The following CHRM5 variants were observed in gnomAD, a reference collection of about 807,000 sequenced individuals.
The protein encoded by CHRM5 is cholinergic receptor muscarinic 5.
In CHRM5, 18 loss-of-function variants were observed where a neutral mutation model predicts 39.0. That is an observed-to-expected ratio of 0.46 (90% confidence interval 0.32 to 0.68). The LOEUF is 0.68. Among genes scored for constraint, CHRM5 ranks in the 30% least tolerant of loss-of-function variants. The pLI, the probability that CHRM5 is intolerant of heterozygous loss-of-function variation, is 0.04. For synonymous variants in CHRM5, 241 were observed against 246.3 expected (o/e 0.98, Z 0.20); for missense variants, 515 against 651.1 (o/e 0.79, Z 2.28).
Position 34,055,845 on chromosome 15 carries a change from A to T in CHRM5, c.-75-6798A>T, listed in dbSNP as rs549406324. Among the ~76,000 whole-genome samples the T allele has an allele frequency of 3.5e-3, 540 of 152,262 alleles. 1 individual carries two copies. Among genetic ancestry groups the T allele is most frequent in the Non-Finnish European group, 6.7e-3 (454 of 68,014 alleles). Reference sequence around the variant, plus strand: ...AAATAAAAATAAACAAATAAATAAAATGTGGAAATGCAAGTCCCACCCTTC... The same window carrying T: ...AAATAAAAATAAACAAATAAATAAATTGTGGAAATGCAAGTCCCACCCTTC... On this transcript the variant is annotated intron_variant, in intron 2 of 2. Coordinates refer to ENST00000383263, the MANE Select transcript of CHRM5 (RefSeq NM_012125.4).
At chr15:34,048,463 T>A (rs1459756617) in intron 2 of CHRM5, among the ~76,000 whole-genome samples, 1 of 149,042 alleles carries the variant, frequency 6.7e-6, no homozygotes, top group East Asian at 2.0e-4. Context: ...AAGTGGGACC[T>A]GGATCCATTC....
At chr15:34,033,811 T>C (rs2140772828) in intron 1 of CHRM5, among the ~76,000 whole-genome samples, 1 of 152,282 alleles carries the variant, frequency 6.6e-6, no homozygotes, top group Admixed American at 6.5e-5. Flanking sequence ...TGTTTTGAGA[T>C]GGAGTCTCAT....
intron 1 of CHRM5, among the ~76,000 whole-genome samples, chr15:34,044,473 T>C (rs537349873): frequency 2.0e-5 from 3 of 152,340 alleles, no homozygotes; most frequent in Admixed American, 6.5e-5. Flanking sequence ...GCCCTAGGTT[T>C]GTGGGGAAGA....
In CHRM5 at chr15:33,973,430, C is replaced by A. The variant is rs75449822; in HGVS notation, c.-408+4280C>A. Among the ~76,000 whole-genome samples, 131 of 152,336 alleles carry A rather than the reference C, an allele frequency of 8.6e-4. 3 individuals are homozygous for A. The East Asian group carries it at 0.024, about 28-fold the overall frequency. On this transcript the variant is annotated intron_variant, in intron 1 of 2. Transcript: ENST00000383263. ...CTTCCCTTCATTTGTGTTGCAAAGA[C>A]AGTCCTCTACATGCAGTAACTTCTG...
At chr15:33,979,022 CT>C (rs1225802829) in intron 1 of CHRM5, among the ~76,000 whole-genome samples, 1 of 152,122 alleles carries the variant, frequency 6.6e-6, no homozygotes, top group Non-Finnish European at 1.5e-5. Flanking sequence ...CTCCAGGTTT[CT>C]TTTTCATCCT....
chr15:34,062,574 A>AC (rs1900375509), intron 2 of CHRM5, 69 bp from the exon 3 acceptor site: 13 of 715,780 alleles, frequency 1.8e-5, no homozygotes, highest in African/African-American at 1.8e-4. Context: ...AAAAAAAAAA[A>AC]CTATAAACAA....
chr15:33,978,095 C>A (rs888306757), intron 1 of CHRM5, among the ~76,000 whole-genome samples: 9 of 151,908 alleles, frequency 5.9e-5, no homozygotes, highest in Non-Finnish European at 1.2e-4. Flanking sequence ...GTCACTATGT[C>A]TATATAAAAC....
chr15:34,032,904 A>C (rs968869068), intron 1 of CHRM5, among the ~76,000 whole-genome samples: 1 of 152,188 alleles, frequency 6.6e-6, no homozygotes, highest in Non-Finnish European at 1.5e-5. Context: ...CTTTCAATCA[A>C]AGTGATGGAG....
In CHRM5 at chr15:34,062,787, C is replaced by T. The variant is rs571543498; in HGVS notation, c.70C>T (p.Arg24Cys). The T allele has an allele frequency of 1.7e-5, 28 of 1,614,162 alleles. No individual in the cohort carries two copies. Among genetic ancestry groups the T allele is most frequent in the Middle Eastern group, 3.3e-4 (2 of 6,062 alleles). The change falls in exon 3 of 3, where the codon CGC becomes TGC. Residue 24 changes from arginine to cysteine, a missense_variant. Physicochemically the swap from Arg to Cys is radical, Grantham distance 180. Coordinates refer to ENST00000383263, the MANE Select transcript of CHRM5 (RefSeq NM_012125.4). Reference protein sequence around the residue: ...GTPVNHQPLERHRLWEVITIA... With the variant: ...GTPVNHQPLECHRLWEVITIA... ...CCCAGTAAATCACCAGCCTTTGGAA[C>T]GCCACAGGTTGTGGGAAGTCATCAC... is the stretch of plus-strand genomic sequence containing the variant.
rs142740919 is a variant in CHRM5 at position 34,020,765 on chromosome 15, G to A, written c.-407-25775G>A. 3.5e-4 allele frequency among the ~76,000 whole-genome samples: 54 copies of A among 152,194 alleles called. 1 individual carries two copies. The East Asian group carries it at 9.9e-3, about 28-fold the overall frequency. ...TGTAAATGAAATTAGGCCAAATTTC[G>A]TAAGACACAAGATATAATCTCCACA... On this transcript the variant is annotated intron_variant, in intron 1 of 2. Transcript: ENST00000383263.
intron 1 of CHRM5, among the ~76,000 whole-genome samples, chr15:33,980,724 A>AACC (rs1214798838): frequency 1.3e-5 from 2 of 152,192 alleles, no homozygotes; most frequent in African/African-American, 4.8e-5. Context: ...GTACACGGAG[A>AACC]ACCCCAAATT....
At position 34,004,950 on chromosome 15, in the gene CHRM5, T is replaced by C. The variant is rs116921733; in HGVS notation, c.-408+35800T>C. Among the ~76,000 whole-genome samples, 1,502 of 151,328 alleles carry C rather than the reference T, an allele frequency of 9.9e-3. 24 individuals are homozygous for C. The highest frequency in any genetic ancestry group is 0.045 in the Admixed American group (675 of 15,154). ...AAATTATTAAAACAACTCATCTGTA[T>C]AGGATGGGTTAGTGTGGACTTAAAA... On this transcript the variant is annotated intron_variant, in intron 1 of 2. Coordinates refer to ENST00000383263, the MANE Select transcript of CHRM5 (RefSeq NM_012125.4).
rs577827796 is a variant in CHRM5, at chr15:33,997,020, G to A, written c.-408+27870G>A. 7.2e-5 allele frequency among the ~76,000 whole-genome samples: 11 copies of A among 152,270 alleles called. No individual in the cohort carries two copies. In the South Asian group the frequency reaches 1.5e-3, roughly 20 times the overall value. Reference sequence around the variant, plus strand: ...GCGTAGAGAAGACCTTAAATTACCCGATGGGGCTGAAAACCATGGCACAAG... The same window carrying A: ...GCGTAGAGAAGACCTTAAATTACCCAATGGGGCTGAAAACCATGGCACAAG... On this transcript the variant is annotated intron_variant, in intron 1 of 2. Coordinates refer to ENST00000383263, the MANE Select transcript of CHRM5 (RefSeq NM_012125.4).
chr15:34,017,175 T>C (rs1214937963), intron 1 of CHRM5, among the ~76,000 whole-genome samples: 23 of 152,034 alleles, frequency 1.5e-4, no homozygotes, highest in African/African-American at 5.5e-4. Context: ...TCACCTACAA[T>C]GAATCCAACC....
At chr15:34,024,907 G>A (rs987628073) in intron 1 of CHRM5, among the ~76,000 whole-genome samples, 4 of 151,840 alleles carry the variant, frequency 2.6e-5, no homozygotes, top group African/African-American at 9.7e-5. Context: ...GCGAGGCCGG[G>A]CATGGTGGCT....
chr15:34,020,104 G>A (rs919802950), intron 1 of CHRM5, among the ~76,000 whole-genome samples: 4 of 152,148 alleles, frequency 2.6e-5, no homozygotes, highest in African/African-American at 9.7e-5. Context: ...AAGGTCAGGA[G>A]ATCGAGACCA....
At chr15:33,974,480 G>A (rs1013040403) in intron 1 of CHRM5, among the ~76,000 whole-genome samples, 1 of 152,166 alleles carries the variant, frequency 6.6e-6, no homozygotes, top group African/African-American at 2.4e-5. Flanking sequence ...AAGGCTAAAA[G>A]ACTATGCTGT....
Position 33,968,498 on chromosome 15 carries a change from T to C in CHRM5, c.-1060T>C, listed in dbSNP as rs1567439198. Among the ~76,000 whole-genome samples the C allele has an allele frequency of 6.6e-6, 1 of 152,110 alleles. No individual in the cohort carries two copies. The highest frequency in any genetic ancestry group is 2.4e-5 in the African/African-American group (1 of 41,456). On this transcript the variant is annotated 5_prime_UTR_variant, in exon 1 of 3. Coordinates refer to ENST00000383263, the MANE Select transcript of CHRM5 (RefSeq NM_012125.4). ...TTGAATAGCTCCTATCAGCTCTTCA[T>C]TCATGCCAAGTACGCTCACCGTCCA...
At chr15:34,005,284 A>C (rs1897294932) in intron 1 of CHRM5, among the ~76,000 whole-genome samples, 1 of 152,158 alleles carries the variant, frequency 6.6e-6, no homozygotes, top group African/African-American at 2.4e-5. Context: ...GGTTTTTCCA[A>C]GACAGTATCC....
Sources: gnomAD v4.1 joint callset for allele counts (sites outside exome capture counted in the v4.1 genomes callset) on GRCh38, gnomAD v4.1.1 for gene constraint, MANE v1.5 for transcripts, NCBI Gene and HGNC (gene_info 2026-07-23, HGNC 2026-07-21) for gene names.